The following NPHP4 variants were observed in gnomAD, a reference collection of about 807,000 sequenced individuals.
NPHP4 encodes nephrocystin 4.
NPHP4 carries 151 observed loss-of-function variants against 155.8 expected under a neutral mutation model. The observed-to-expected ratio is 0.97, with a 90% CI of 0.85 to 1.11. The LOEUF is 1.11. NPHP4 is among the 50% of genes least tolerant of loss of function. The pLI is 0.00. For missense variants in NPHP4, 1,956 were observed against 1,925.7 expected (o/e 1.02, Z -0.29); for synonymous variants, 845 against 816.8 (o/e 1.03, Z -0.59).
chr1:5,946,143 TAC>T (rs1483929964), intron 9 of NPHP4, among the ~76,000 whole-genome samples: 1 of 152,220 alleles, frequency 6.6e-6, no homozygotes, highest in African/African-American at 2.4e-5. Context: ...GGGTCAGTAC[TAC>T]AGAGGTTTCA....
intron 27 of NPHP4, 86 bp downstream of exon 27, chr1:5,865,016 C>T (rs1380771568): frequency 7.2e-7 from 1 of 1,380,050 alleles, no homozygotes; most frequent in Non-Finnish European, 1.0e-6. Context: ...GTCAGGGCCA[C>T]CCACTGTGCT....
chr1:5,931,091 CCA>C (rs1646247471), intron 10 of NPHP4, among the ~76,000 whole-genome samples: 2 of 152,110 alleles, frequency 1.3e-5, no homozygotes, highest in Non-Finnish European at 2.9e-5. Flanking sequence ...TATACCCACT[CCA>C]GTTTTCTTTT....
intron 11 of NPHP4, among the ~76,000 whole-genome samples, chr1:5,920,678 T>C (rs1433791100): frequency 6.6e-6 from 1 of 152,226 alleles, no homozygotes; most frequent in Non-Finnish European, 1.5e-5. Flanking sequence ...TCTTTTCTGT[T>C]GTTTATCTGC....
intron 1 of NPHP4, among the ~76,000 whole-genome samples, chr1:5,987,765 G>GC (rs932423090): frequency 2.0e-5 from 3 of 152,140 alleles, no homozygotes; most frequent in Non-Finnish European, 4.4e-5. Flanking sequence ...TGAACACACC[G>GC]CTTTTATTAT....
At chr1:5,965,968 C>T (rs541410950) in intron 5 of NPHP4, among the ~76,000 whole-genome samples, 4 of 152,246 alleles carry the variant, frequency 2.6e-5, no homozygotes, top group South Asian at 2.1e-4. Flanking sequence ...CTCATAAACA[C>T]GCAGGACTCC....
chr1:5,937,228 A>G (rs1216510018), intron 9 of NPHP4, among the ~76,000 whole-genome samples: 1 of 151,692 alleles, frequency 6.6e-6, no homozygotes, highest in African/African-American at 2.4e-5. Flanking sequence ...GCTGGGCCCC[A>G]CCACACCTGG....
chr1:5,873,179 A>G, intron 23 of NPHP4, 73 bp downstream of exon 23: 2 of 1,318,282 alleles, frequency 1.5e-6, no homozygotes, highest in East Asian at 2.3e-5. Flanking sequence ...GAGGGGAGAG[A>G]AGGACACAAG....
In NPHP4 at chr1:5,977,678, G is replaced by A. The variant is rs187756247; in HGVS notation, c.279+592C>T. Among the ~76,000 whole-genome samples the A allele has an allele frequency of 1.3e-3, 199 of 150,108 alleles. 2 individuals are homozygous for A. The highest frequency in any genetic ancestry group is 4.6e-3 in the African/African-American group (187 of 40,726). On this transcript the variant is annotated intron_variant, in intron 3 of 29. Transcript: ENST00000378156. Reference sequence around the variant, plus strand: ...CCACAGAGACAGAGCATGCCGGCCCGCAGGGTGGCCAGCCGCAAGACCACC... The same window carrying A: ...CCACAGAGACAGAGCATGCCGGCCCACAGGGTGGCCAGCCGCAAGACCACC...
At chr1:5,960,797 G>A (rs1650174129) in intron 6 of NPHP4, among the ~76,000 whole-genome samples, 1 of 151,850 alleles carries the variant, frequency 6.6e-6, no homozygotes, top group African/African-American at 2.4e-5. Flanking sequence ...TGGCTGCTGG[G>A]GTCGACCCAA....
intron 13 of NPHP4, among the ~76,000 whole-genome samples, chr1:5,906,628 G>A (rs1204579336): frequency 2.0e-5 from 3 of 152,220 alleles, no homozygotes; most frequent in African/African-American, 4.8e-5. Flanking sequence ...TGAACCAGCC[G>A]ACTTTGGAAA....
In NPHP4 at chr1:5,973,268, G is replaced by T. The variant is rs546876578; in HGVS notation, c.280-4009C>A. On this transcript the variant is annotated intron_variant, in intron 3 of 29. Transcript: ENST00000378156. ...TGAAGTCCCACTGGGATCAGTGATG[G>T]AGTAGGACACTAGCCCATCCTACCT... Among the ~76,000 whole-genome samples the T allele has an allele frequency of 1.4e-4, 21 of 152,346 alleles. No individual in the cohort carries two copies. In the South Asian group the frequency reaches 3.5e-3, roughly 26 times the overall value.
chr1:5,979,538 GTTTTGT>G (rs1357616594), intron 2 of NPHP4, among the ~76,000 whole-genome samples: 3 of 151,886 alleles, frequency 2.0e-5, no homozygotes, highest in Non-Finnish European at 4.4e-5. Flanking sequence ...TAGTACCTGT[GTTTTGT>G]TTTTGTTTTT....
rs1259213564 is a variant in NPHP4 at position 5,905,661 on chromosome 1, G to A, written c.1734C>T (p.Ala578=). 3 of 1,613,904 alleles carry A rather than the reference G, an allele frequency of 1.9e-6. No homozygotes were observed. Among genetic ancestry groups the A allele is most frequent in the Non-Finnish European group, 1.7e-6 (2 of 1,179,868 alleles). Reference sequence around the variant, plus strand: ...TGGTCTGGGTTCCCACAACAATAGGGGCATGCAAAGGCGTGAACGGCAGCT... The same window carrying A: ...TGGTCTGGGTTCCCACAACAATAGGAGCATGCAAAGGCGTGAACGGCAGCT... The part of the protein sequence containing the change: ...LQELPFTPLH[A]PIVVGTQTRS... The change falls in exon 14 of 30, where the codon GCC becomes GCT. Residue 578 remains alanine, a synonymous_variant. Coordinates refer to ENST00000378156, the MANE Select transcript of NPHP4 (RefSeq NM_015102.5). This position sits in a 1 kb window ranked among gnomAD's most constrained non-coding sequence, Gnocchi z 4.0.
At position 5,868,961 on chromosome 1, in the gene NPHP4, ACACACACATG is replaced by A. The variant is rs769390170; in HGVS notation, c.3316-1075_3316-1066del. Among the ~76,000 whole-genome samples the A allele has an allele frequency of 3.7e-3, 522 of 142,546 alleles. 1 individual carries two copies. Among genetic ancestry groups the A allele is most frequent in the Non-Finnish European group, 6.1e-3 (399 of 65,538 alleles). 93.5% of individuals were successfully genotyped at this position (142,546 alleles called of 152,430 possible). On this transcript the variant is annotated intron_variant, in intron 23 of 29. Coordinates refer to ENST00000378156, the MANE Select transcript of NPHP4 (RefSeq NM_015102.5). ...ACCCACATGCACACACACACAATGC[ACACACACATG>A]CACACACATCCACCCACACATGCAC...
intron 23 of NPHP4, among the ~76,000 whole-genome samples, chr1:5,869,485 T>G (rs183021769): frequency 3.3e-5 from 5 of 152,160 alleles, no homozygotes; most frequent in African/African-American, 9.6e-5. Context: ...ATTTTTGACT[T>G]ACTTGTTTTT....
intron 13 of NPHP4, among the ~76,000 whole-genome samples, chr1:5,906,791 A>C (rs1465416723): frequency 6.6e-6 from 1 of 152,228 alleles, no homozygotes; most frequent in Non-Finnish European, 1.5e-5. Flanking sequence ...CAGCCTGTCT[A>C]TAGATATAGC....
chr1:5,989,151 G>C (rs903632230), intron 1 of NPHP4, among the ~76,000 whole-genome samples: 1 of 152,116 alleles, frequency 6.6e-6, no homozygotes, highest in Non-Finnish European at 1.5e-5. Context: ...CTTGAGCCCA[G>C]GATGTCTCTC....
chr1:5,868,071 G>A, intron 23 of NPHP4, 175 bp from the exon 24 acceptor site: 1 of 765,718 alleles, frequency 1.3e-6, no homozygotes, highest in South Asian at 1.5e-5. Flanking sequence ...GCAGCAGCAG[G>A]TCTCCACCAG....
At position 5,862,830 on chromosome 1, in the gene NPHP4, T is replaced by G. The variant is rs1250306762; in HGVS notation, c.*435A>C. ...AGGGAAGACGTGTAAAAGTTTAGTA[T>G]TTTGTTCAACAATTTAAAAAACAGA... On this transcript the variant is annotated 3_prime_UTR_variant, in exon 30 of 30. Coordinates refer to ENST00000378156, the MANE Select transcript of NPHP4 (RefSeq NM_015102.5). 2 of 180,118 alleles carry G rather than the reference T, an allele frequency of 1.1e-5. No homozygotes were observed. The highest frequency in any genetic ancestry group is 2.4e-5 in the Non-Finnish European group (2 of 83,020). 11.2% of individuals were successfully genotyped at this position (180,118 alleles called of 1,614,324 possible).
Sources: allele counts gnomAD v4.1 joint callset (sites outside exome capture counted in the v4.1 genomes callset), GRCh38; gene constraint gnomAD v4.1.1; non-coding constraint Gnocchi (gnomAD v3.1); transcripts MANE v1.5; gene names NCBI Gene and HGNC (gene_info 2026-07-23, HGNC 2026-07-21).